Variants in MACROD2 observed in about 807,000 individuals in gnomAD.
MACROD2 encodes mono-ADP ribosylhydrolase 2.
MACROD2 carries 36 observed loss-of-function variants against 70.4 expected under a neutral mutation model. The observed-to-expected ratio is 0.51, with a 90% CI of 0.39 to 0.68. MACROD2 has a LOEUF of 0.68. Ranked by LOEUF, MACROD2 falls within the 30% of genes least tolerant of loss-of-function variation. The pLI is 0.00. For synonymous variants in MACROD2, 172 were observed against 178.8 expected (o/e 0.96, Z 0.30); for missense variants, 496 against 538.4 (o/e 0.92, Z 0.78).
chr20:14,355,149 G>T (rs1219795095), intron 3 of MACROD2, among the ~76,000 whole-genome samples: 2 of 152,138 alleles, frequency 1.3e-5, no homozygotes, highest in African/African-American at 4.8e-5. Context: ...GGGATTGCAG[G>T]GTAGTTCTAA....
intron 6 of MACROD2, among the ~76,000 whole-genome samples, chr20:15,328,870 A>G (rs1337981768): frequency 6.6e-6 from 1 of 152,122 alleles, no homozygotes; most frequent in Non-Finnish European, 1.5e-5. Flanking sequence ...AAAGATATTT[A>G]CCAAAGTATA....
chr20:15,289,104 A>G (rs1039610584), intron 6 of MACROD2, among the ~76,000 whole-genome samples: 2 of 152,126 alleles, frequency 1.3e-5, no homozygotes, highest in Admixed American at 6.6e-5. Flanking sequence ...CGCCTCACCC[A>G]TGGGATGGAT....
At chr20:15,679,236 C>CA (rs35869757) in intron 8 of MACROD2, among the ~76,000 whole-genome samples, 41,129 of 109,034 alleles carry the variant, frequency 0.38, 7,434 homozygotes, top group African/African-American at 0.54. Flanking sequence ...GACTCCATCT[C>CA]AAAAAAAAAA....
intron 6 of MACROD2, among the ~76,000 whole-genome samples, chr20:15,255,711 T>A (rs1023006469): frequency 1.3e-5 from 2 of 152,130 alleles, no homozygotes; most frequent in South Asian, 4.1e-4. Flanking sequence ...AGAGCACGTA[T>A]TTCTTTGAGT....
At chr20:15,461,002 A>T (rs199715820) in intron 7 of MACROD2, among the ~76,000 whole-genome samples, 2,128 of 50,224 alleles carry the variant, frequency 0.042, 137 homozygotes, top group African/African-American at 0.13. Flanking sequence ...ATATATATAT[A>T]TATATTTTTT....
At chr20:14,183,424 C>G (rs2081320412) in intron 3 of MACROD2, among the ~76,000 whole-genome samples, 1 of 152,062 alleles carries the variant, frequency 6.6e-6, no homozygotes. Context: ...TTTATCTAGT[C>G]TATCACTGAT....
chr20:15,517,133 A>G (rs1427682377), intron 8 of MACROD2, among the ~76,000 whole-genome samples: 2 of 152,138 alleles, frequency 1.3e-5, no homozygotes, highest in Non-Finnish European at 2.9e-5. Flanking sequence ...TCAACTACTG[A>G]AGAGGTCCAT....
chr20:14,803,480 G>A (rs2072602382), intron 5 of MACROD2, among the ~76,000 whole-genome samples: 1 of 151,906 alleles, frequency 6.6e-6, no homozygotes, highest in Admixed American at 6.6e-5. Context: ...AGTATATTTT[G>A]TTCTTTTTCT....
chr20:15,809,912 G>C (rs530259930), intron 8 of MACROD2, among the ~76,000 whole-genome samples: 1 of 146,178 alleles, frequency 6.8e-6, no homozygotes, highest in African/African-American at 2.6e-5. Context: ...TGTGCACAAC[G>C]TGCAGGTTTG....
chr20:14,973,853 T>C (rs2074713801), intron 5 of MACROD2, among the ~76,000 whole-genome samples: 1 of 152,178 alleles, frequency 6.6e-6, no homozygotes, highest in Non-Finnish European at 1.5e-5. Context: ...ACATTTTTAC[T>C]ATTAAAATAG....
At chr20:15,230,183 T>G in intron 6 of MACROD2, 122 bp downstream of exon 6, 1 of 862,196 alleles carries the variant, frequency 1.2e-6, no homozygotes, top group Non-Finnish European at 1.7e-6. Context: ...TTTAAGGATC[T>G]TAGTAGCCGA....
At chr20:14,131,115 A>G (rs1028070803) in intron 3 of MACROD2, among the ~76,000 whole-genome samples, 2 of 151,782 alleles carry the variant, frequency 1.3e-5, no homozygotes, top group Non-Finnish European at 2.9e-5. Context: ...TTTAGTAGAG[A>G]CAGAGTTGCC....
At chr20:14,327,955 C>T (rs2082765437) in intron 3 of MACROD2, among the ~76,000 whole-genome samples, 1 of 152,024 alleles carries the variant, frequency 6.6e-6, no homozygotes. Context: ...AATATTATTT[C>T]TTATATTTAA....
chr20:15,756,130 T>C (rs917551186), intron 8 of MACROD2, among the ~76,000 whole-genome samples: 1 of 152,180 alleles, frequency 6.6e-6, no homozygotes, highest in Non-Finnish European at 1.5e-5. Context: ...TGTTCCTTGG[T>C]AACCTCTGCC....
At chr20:15,449,599 T>G (rs1488997774) in intron 7 of MACROD2, among the ~76,000 whole-genome samples, 1 of 152,180 alleles carries the variant, frequency 6.6e-6, no homozygotes, top group African/African-American at 2.4e-5. Context: ...AAATTTTCAG[T>G]CTTTTTATTT....
At chr20:15,576,285 C>A (rs760678558) in intron 8 of MACROD2, among the ~76,000 whole-genome samples, 14 of 152,128 alleles carry the variant, frequency 9.2e-5, no homozygotes, top group South Asian at 2.1e-4. Flanking sequence ...ACATTCTTTG[C>A]AGACCCCTAA....
chr20:16,000,684 C>G (rs887532825), intron 15 of MACROD2, among the ~76,000 whole-genome samples: 2 of 152,208 alleles, frequency 1.3e-5, no homozygotes, highest in Non-Finnish European at 2.9e-5. Context: ...TTTGCCTTCT[C>G]TTAGTATACT....
chr20:15,680,061 C>CGTGGGGACA (rs1366622415), intron 8 of MACROD2, among the ~76,000 whole-genome samples: 1 of 152,080 alleles, frequency 6.6e-6, no homozygotes, highest in Non-Finnish European at 1.5e-5. Flanking sequence ...CCATGGAACC[C>CGTGGGGACA]GTGGGGACAG....
intron 6 of MACROD2, among the ~76,000 whole-genome samples, chr20:15,246,355 G>T (rs1274148998): frequency 6.6e-6 from 1 of 152,040 alleles, no homozygotes; most frequent in Non-Finnish European, 1.5e-5. Flanking sequence ...AGTTTTTTAG[G>T]GGCCAGCAAT....
Sources: gnomAD v4.1 joint callset for allele counts (sites outside exome capture counted in the v4.1 genomes callset) on GRCh38, gnomAD v4.1.1 for gene constraint, MANE v1.5 for transcripts, NCBI Gene and HGNC (gene_info 2026-07-23, HGNC 2026-07-21) for gene names.